NPHP4: variants seen among roughly 807,000 people sequenced by gnomAD.
NPHP4 encodes the protein nephrocystin-4.
Under a neutral mutation model 155.8 loss-of-function variants are expected in NPHP4, and 151 were observed. That is an observed-to-expected ratio of 0.97 (90% CI 0.85 to 1.11). NPHP4 has a LOEUF of 1.11. Among genes scored for constraint, NPHP4 ranks in the 50% least tolerant of loss-of-function variants. The pLI is 0.00. For missense variants in NPHP4, 1,956 were observed against 1,925.7 expected (o/e 1.02, Z -0.29); for synonymous variants, 845 against 816.8 (o/e 1.03, Z -0.59).
At chr1:5,930,025 G>A (rs185455863) in intron 10 of NPHP4, among the ~76,000 whole-genome samples, 77 of 152,162 alleles carry the variant, frequency 5.1e-4, no homozygotes, top group Non-Finnish European at 6.5e-4. Flanking sequence ...GCTGAGTTTT[G>A]GCAATGTGGA....
chr1:5,888,199 T>C (rs1283063496), intron 17 of NPHP4: 1 of 437,420 alleles, frequency 2.3e-6, no homozygotes, highest in Non-Finnish European at 3.0e-6. Context: ...AGGACTTTCC[T>C]GACCACGGGC....
chr1:5,985,390 T>A (rs1655323950), intron 2 of NPHP4, among the ~76,000 whole-genome samples: 1 of 152,236 alleles, frequency 6.6e-6, no homozygotes, highest in Non-Finnish European at 1.5e-5. Flanking sequence ...CCCCGCCAGC[T>A]GAAGGGCACA....
rs769390906 is a variant in NPHP4, at chr1:5,873,269, G to A, written c.3298C>T (p.Pro1100Ser). 1.2e-6 allele frequency: 2 copies of A among 1,613,758 alleles called. No individual in the cohort carries two copies. Among genetic ancestry groups the A allele is most frequent in the Non-Finnish European group, 1.7e-6 (2 of 1,179,662 alleles). Residue 1100 changes from proline (P) to serine (S), a missense_variant, in exon 23 of 30, where the codon CCC becomes TCC. Pro to Ser is a moderately conservative substitution (Grantham distance 74). Transcript: ENST00000378156. Reference protein sequence around the residue: ...AVSPWKSSAVPTKHAKVLFRA... With the variant: ...AVSPWKSSAVSTKHAKVLFRA... ...CCCTTTACCTTGGCGTGTTTAGTGGGCACTGCGCTGGACTTCCAAGGTGAC... is the reference window on the plus strand; with the variant it reads ...CCCTTTACCTTGGCGTGTTTAGTGGACACTGCGCTGGACTTCCAAGGTGAC...
At chr1:5,985,838 A>G (rs1340133988) in intron 2 of NPHP4, among the ~76,000 whole-genome samples, 1 of 152,252 alleles carries the variant, frequency 6.6e-6, no homozygotes, top group South Asian at 2.1e-4. Context: ...GTTCAAATGC[A>G]TTTAATACCC....
intron 11 of NPHP4, among the ~76,000 whole-genome samples, chr1:5,918,015 G>A (rs1048735226): frequency 6.6e-6 from 1 of 152,230 alleles, no homozygotes; most frequent in African/African-American, 2.4e-5. Flanking sequence ...CGCAGCGAGA[G>A]TGAGAAATAA....
At position 5,927,556 on chromosome 1, in the gene NPHP4, G is replaced by T. The variant is rs186669236; in HGVS notation, c.1441+93C>A. ...ACGACGATTATCTTACAAATGTGGT[G>T]ATTACCGTACTAGACTAAGTACCTT... On this transcript the variant is annotated intron_variant, in intron 11 of 29. Transcript: ENST00000378156. 44 of 1,308,408 alleles carry T rather than the reference G, an allele frequency of 3.4e-5. No homozygotes were observed. The African/African-American group carries it at 6.0e-4, about 18-fold the overall frequency. The allele number at this position is 1,308,408 out of a possible 1,614,324, so 81.0% of individuals were successfully genotyped here. A position where few individuals can be genotyped will look rare whatever the true frequency, so the allele number is the denominator to read the frequency against.
Position 5,867,307 on chromosome 1 carries a change from C to T in NPHP4, c.3473-192G>A. The T allele has an allele frequency of 3.4e-6, 2 of 580,966 alleles. No individual in the cohort carries two copies. The highest frequency in any genetic ancestry group is 6.1e-6 in the Non-Finnish European group (2 of 326,760). 36.0% of individuals were successfully genotyped at this position (580,966 alleles called of 1,614,324 possible). A position where few individuals can be genotyped will look rare whatever the true frequency, so the allele number is the denominator to read the frequency against. On this transcript the variant is annotated intron_variant, in intron 24 of 29. Transcript: ENST00000378156. This position sits in a 1 kb window ranked among gnomAD's most constrained non-coding sequence, Gnocchi z 4.1. ...CACTGTGTTCCCTGCATGGACACCG[C>T]CCATCCAGCCCACTGCGGCTCGGCT...
chr1:5,921,966 C>T (rs1481411929), intron 11 of NPHP4, among the ~76,000 whole-genome samples: 2 of 152,232 alleles, frequency 1.3e-5, no homozygotes, highest in East Asian at 1.9e-4. Context: ...AGAACCTATA[C>T]ATATGTTCAA....
chr1:5,874,844 G>A, intron 21 of NPHP4, 30 bp downstream of exon 21: 3 of 1,596,796 alleles, frequency 1.9e-6, no homozygotes, highest in Non-Finnish European at 2.6e-6. Context: ...GATCTGGGCT[G>A]GGGCAGGACG....
intron 16 of NPHP4, among the ~76,000 whole-genome samples, chr1:5,891,277 C>T (rs1337913349): frequency 2.0e-5 from 3 of 152,208 alleles, no homozygotes; most frequent in Non-Finnish European, 2.9e-5. Context: ...ATGGTTTCAC[C>T]AAGTCCTTGT....
In NPHP4 at chr1:5,888,312, G is replaced by A. The variant is rs1276376312; in HGVS notation, c.2305-846C>T. 16 of 1,035,350 alleles carry A rather than the reference G, an allele frequency of 1.5e-5. No individual in the cohort carries two copies. In the East Asian group the frequency reaches 3.1e-4, roughly 20 times the overall value. The allele number at this position is 1,035,350 out of a possible 1,614,324, so 64.1% of individuals were successfully genotyped here. On this transcript the variant is annotated intron_variant, in intron 17 of 29. Coordinates refer to ENST00000378156, the MANE Select transcript of NPHP4 (RefSeq NM_015102.5). ...GCCTCACGGCTGTGCCCCAGGCGTG[G>A]CTGGGACACTCTTCCCCCGTGCCCT...
At position 5,862,876 on chromosome 1, in the gene NPHP4, T is replaced by C. The variant is rs901674149; in HGVS notation, c.*389A>G. ...ACAGATATAATACCAGCATAAAATA[T>C]TGCATAGCAAATAATAGATTATGTT... On this transcript the variant is annotated 3_prime_UTR_variant, in exon 30 of 30. Transcript: ENST00000378156. 1 of 221,552 alleles carries C rather than the reference T, an allele frequency of 4.5e-6. No individual in the cohort carries two copies. Among genetic ancestry groups the C allele is most frequent in the South Asian group, 8.4e-5 (1 of 11,888 alleles). 13.7% of individuals were successfully genotyped at this position (221,552 alleles called of 1,614,324 possible). A position where few individuals can be genotyped will look rare whatever the true frequency, so the allele number is the denominator to read the frequency against.
intron 11 of NPHP4, among the ~76,000 whole-genome samples, chr1:5,922,027 C>G (rs1163818470): frequency 2.0e-5 from 3 of 152,178 alleles, no homozygotes; most frequent in African/African-American, 7.2e-5. Context: ...GGGGGATGAC[C>G]CTGGATTATC....
At chr1:5,967,058 C>T (rs1651652962) in intron 5 of NPHP4, among the ~76,000 whole-genome samples, 1 of 152,262 alleles carries the variant, frequency 6.6e-6, no homozygotes, top group Admixed American at 6.5e-5. Context: ...AGGTGGCTCT[C>T]ACAGGCGCTC....
chr1:5,864,960 C>A (rs1570038533), intron 27 of NPHP4, 142 bp downstream of exon 27: 2 of 761,376 alleles, frequency 2.6e-6, no homozygotes, highest in Non-Finnish European at 4.4e-6. Context: ...TGCCGAGAGG[C>A]CTCTGGTAAC....
At chr1:5,968,011 A>G (rs1228528272) in intron 4 of NPHP4, among the ~76,000 whole-genome samples, 3 of 152,074 alleles carry the variant, frequency 2.0e-5, no homozygotes, top group Non-Finnish European at 4.4e-5. Flanking sequence ...AGAGCCTGGC[A>G]CGCGACAGAC....
At chr1:5,977,589 C>T (rs911795241) in intron 3 of NPHP4, among the ~76,000 whole-genome samples, 1 of 151,708 alleles carries the variant, frequency 6.6e-6, no homozygotes, top group Non-Finnish European at 1.5e-5. Flanking sequence ...CCATCATCAC[C>T]CTGAGCCTAG....
At position 5,961,134 on chromosome 1, in the gene NPHP4, T is replaced by C. The variant is rs114016276; in HGVS notation, c.673+660A>G. 7.0e-3 allele frequency among the ~76,000 whole-genome samples: 1,071 copies of C among 152,284 alleles called. 7 individuals are homozygous for C. Among genetic ancestry groups the C allele is most frequent in the African/African-American group, 0.024 (1,005 of 41,556 alleles). On this transcript the variant is annotated intron_variant, in intron 6 of 29. Coordinates refer to ENST00000378156, the MANE Select transcript of NPHP4 (RefSeq NM_015102.5). ...TAACAGAGCAATTCCCCTCTCTTCC[T>C]AAAGAATGCCGGCCACTGAAGGACA...
chr1:5,929,455 T>G (rs551433547), intron 10 of NPHP4, among the ~76,000 whole-genome samples: 1 of 152,214 alleles, frequency 6.6e-6, no homozygotes, highest in African/African-American at 2.4e-5. Flanking sequence ...CATCACTGAT[T>G]ATGCTAAGGA....
Sources: allele counts gnomAD v4.1 joint callset (sites outside exome capture counted in the v4.1 genomes callset), GRCh38; gene constraint gnomAD v4.1.1; non-coding constraint Gnocchi (gnomAD v3.1); transcripts MANE v1.5; gene names NCBI Gene and HGNC (gene_info 2026-07-23, HGNC 2026-07-21).